The following TMEM87A variants were observed in gnomAD, a reference collection of about 807,000 sequenced individuals.
The protein encoded by TMEM87A is Golgi-pH regulating cation channel.
A neutral mutation model predicts 90.0 loss-of-function variants in TMEM87A; 50 were observed. The ratio of observed to expected loss-of-function variants is 0.56; its 90% CI spans 0.44 to 0.70. The LOEUF is 0.70. Among genes scored for constraint, TMEM87A ranks in the 30% least tolerant of loss-of-function variants. The pLI is 0.00. For missense variants in TMEM87A, 577 were observed against 660.5 expected (o/e 0.87, Z 1.39); for synonymous variants, 226 against 226.7 (o/e 1.00, Z 0.03).
At chr15:42,236,271 T>C (rs1181367816) in intron 10 of TMEM87A, 49 bp downstream of exon 10, 1 of 1,481,188 alleles carries the variant, frequency 6.8e-7, no homozygotes, top group Non-Finnish European at 9.4e-7. Context: ...ACTGTTTTAA[T>C]TTAATCAGCA....
Position 42,237,537 on chromosome 15 carries a change from G to A in TMEM87A, c.763C>T (p.Leu255Phe). 1.9e-6 allele frequency: 3 copies of A among 1,614,052 alleles called. No homozygotes were observed. Among genetic ancestry groups the A allele is most frequent in the Non-Finnish European group, 2.5e-6 (3 of 1,180,020 alleles). Residue 255 changes from leucine to phenylalanine, a missense_variant, in exon 9 of 20, where the codon CTC becomes TTC. Coordinates refer to ENST00000389834, the MANE Select transcript of TMEM87A (RefSeq NM_015497.5). The part of the protein sequence containing the change: ...LAWSACYWRD[L>F]LRIQFWIGAV... ...CCAATCCAAAACTGAATTCTCAGGA[G>A]ATCTCTCCAGTAGCAGGCAGACCAT...
At chr15:42,225,045 A>G (rs1019112611) in intron 15 of TMEM87A, among the ~76,000 whole-genome samples, 24 of 152,236 alleles carry the variant, frequency 1.6e-4, no homozygotes, top group Admixed American at 1.5e-3. Context: ...TTCTTTCTCA[A>G]TAGTGTGATT....
chr15:42,219,629 C>A lies in TMEM87A; in HGVS notation c.1491G>T (p.Met497Ile). The change falls in exon 17 of 20, where the codon ATG (methionine) becomes ATT (isoleucine). Residue 497 changes from methionine (M) to isoleucine (I), a missense_variant. By Grantham distance (10) the Met-to-Ile change is conservative. Coordinates refer to ENST00000389834, the MANE Select transcript of TMEM87A (RefSeq NM_015497.5). ...MLKESFEGMK[M>I]RSTKQEPNGN... ...CATTGGGTTCTTGTTTGGTACTTCT[C>A]ATTTTCATTCCTTCTGTAGAAGAAA... The A allele has an allele frequency of 6.3e-7, 1 of 1,596,958 alleles. No individual in the cohort carries two copies. Among genetic ancestry groups the A allele is most frequent in the Non-Finnish European group, 8.5e-7 (1 of 1,169,936 alleles).
Position 42,211,755 on chromosome 15 carries a change from G to GAA in TMEM87A, c.1627-8_1627-7dup. 23 of 1,226,972 alleles carry GAA rather than the reference G, an allele frequency of 1.9e-5. No homozygotes were observed. The highest frequency in any genetic ancestry group is 7.4e-5 in the South Asian group (5 of 67,604). 76.0% of individuals were successfully genotyped at this position (1,226,972 alleles called of 1,614,324 possible). A position where few individuals can be genotyped will look rare whatever the true frequency, so the allele number is the denominator to read the frequency against. ...AAGTGTGTGATCATTCGTTCCTAGG[G>GAA]AAAAAAAAAAAGGTTGAAGTATATT... On this transcript the variant is annotated splice_polypyrimidine_tract_variant and splice_region_variant and intron_variant, in intron 19 of 19. Coordinates refer to ENST00000389834, the MANE Select transcript of TMEM87A (RefSeq NM_015497.5).
chr15:42,255,381 C>A (rs2051158837), intron 6 of TMEM87A, among the ~76,000 whole-genome samples: 1 of 152,086 alleles, frequency 6.6e-6, no homozygotes, highest in Admixed American at 6.5e-5. Context: ...ATCTGTCTGC[C>A]TGGGCCTCCT....
At chr15:42,241,544 G>A (rs918305841) in intron 7 of TMEM87A, among the ~76,000 whole-genome samples, 2 of 152,182 alleles carry the variant, frequency 1.3e-5, no homozygotes, top group Non-Finnish European at 2.9e-5. Context: ...CAGTTGTAAA[G>A]AGTTTTATAA....
intron 3 of TMEM87A, 113 bp downstream of exon 3, chr15:42,267,833 GT>G: frequency 1.3e-6 from 1 of 747,100 alleles, no homozygotes; most frequent in Non-Finnish European, 2.0e-6. Flanking sequence ...ATGCATTCTA[GT>G]TTCAGCTCTC....
intron 19 of TMEM87A, among the ~76,000 whole-genome samples, chr15:42,215,619 A>G (rs2050369902): frequency 6.6e-6 from 1 of 152,176 alleles, no homozygotes; most frequent in South Asian, 2.1e-4. Context: ...GGGCTTCCAA[A>G]TGGCTGACAG....
intron 4 of TMEM87A, among the ~76,000 whole-genome samples, chr15:42,261,924 G>T (rs777230575): frequency 6.6e-6 from 1 of 152,148 alleles, no homozygotes; most frequent in African/African-American, 2.4e-5. Context: ...GTGAGCCACC[G>T]CGCCCGGCCT....
At chr15:42,257,975 T>C (rs2051214855) in intron 6 of TMEM87A, 1 of 979,722 alleles carries the variant, frequency 1.0e-6, no homozygotes, top group Non-Finnish European at 1.2e-6. Context: ...TTTTAAGTTA[T>C]AGAATTAAAA....
chr15:42,256,850 G>A (rs981653402), intron 6 of TMEM87A, among the ~76,000 whole-genome samples: 20 of 152,058 alleles, frequency 1.3e-4, no homozygotes, highest in African/African-American at 4.3e-4. Context: ...CCCAAGTAGC[G>A]GGGACTACAG....
chr15:42,243,080 C>A (rs995011634), intron 7 of TMEM87A, among the ~76,000 whole-genome samples: 2 of 151,966 alleles, frequency 1.3e-5, no homozygotes, highest in African/African-American at 4.8e-5. Flanking sequence ...TCCTGGCTAA[C>A]ACGGTGAAAC....
intron 6 of TMEM87A, chr15:42,258,651 T>G: frequency 1.0e-6 from 1 of 993,714 alleles, no homozygotes. Flanking sequence ...GGTCTCGAAC[T>G]CCCAACCTCA....
chr15:42,225,127 A>G (rs983452378), intron 15 of TMEM87A, among the ~76,000 whole-genome samples: 2 of 152,192 alleles, frequency 1.3e-5, no homozygotes, highest in Admixed American at 6.5e-5. Flanking sequence ...TATAAAGTGC[A>G]TAGTTTGAAA....
chr15:42,261,336 C>G, intron 4 of TMEM87A, 87 bp from the exon 5 acceptor site: 3 of 1,025,868 alleles, frequency 2.9e-6, no homozygotes, highest in Non-Finnish European at 4.2e-6. Flanking sequence ...ATGGTTAGAA[C>G]AAAACACCAC....
At chr15:42,223,149 T>C (rs1252987518) in intron 15 of TMEM87A, among the ~76,000 whole-genome samples, 1 of 152,176 alleles carries the variant, frequency 6.6e-6, no homozygotes, top group African/African-American at 2.4e-5. Flanking sequence ...TCCCAGCGTT[T>C]TGGGAGGCCA....
intron 19 of TMEM87A, among the ~76,000 whole-genome samples, chr15:42,214,184 A>G (rs1174835355): frequency 6.6e-6 from 1 of 152,066 alleles, no homozygotes. Flanking sequence ...AATCAAAAAC[A>G]TCCCAACAAA....
At chr15:42,229,960 G>C (rs1161973230) in intron 12 of TMEM87A, among the ~76,000 whole-genome samples, 4 of 152,120 alleles carry the variant, frequency 2.6e-5, no homozygotes, top group Non-Finnish European at 5.9e-5. Context: ...CGAGCAGCTG[G>C]GACTACAGGT....
chr15:42,261,371 A>G (rs2051287687), intron 4 of TMEM87A, 122 bp from the exon 5 acceptor site: 1 of 674,818 alleles, frequency 1.5e-6, no homozygotes, highest in Non-Finnish European at 2.3e-6. Flanking sequence ...ATATAATAAC[A>G]CAGCATCAGT....
Sources: gnomAD v4.1 joint callset for allele counts (sites outside exome capture counted in the v4.1 genomes callset) on GRCh38, gnomAD v4.1.1 for gene constraint, MANE v1.5 for transcripts, NCBI Gene and HGNC (gene_info 2026-07-23, HGNC 2026-07-21) for gene names.